The following PPFIA1 variants were observed in gnomAD, a reference collection of about 807,000 sequenced individuals.
PPFIA1 encodes liprin-alpha-1.
Under a neutral mutation model 149.9 loss-of-function variants are expected in PPFIA1, and 25 were observed. That is an observed-to-expected ratio of 0.17 (90% CI 0.12 to 0.23). PPFIA1 has a LOEUF of 0.23. Ranked by LOEUF, PPFIA1 falls within the 10% of genes least tolerant of loss-of-function variation. PPFIA1 has a pLI of 1.00. For missense variants in PPFIA1, 1,362 were observed against 1,506.5 expected, an observed-to-expected ratio of 0.90 and a Z score of 1.59; for synonymous variants, 549 against 552.8, an observed-to-expected ratio of 0.99 and a Z score of 0.10.
chr11:70,272,149 G>C, intron 1 of PPFIA1, 24 bp from the exon 2 acceptor site: 1 of 1,608,858 alleles, frequency 6.2e-7, no homozygotes, highest in Non-Finnish European at 8.5e-7. Context: ...CTTAATTACT[G>C]TAGCCTGGGT....
intron 21 of PPFIA1, among the ~76,000 whole-genome samples, chr11:70,368,054 C>T (rs962601423): frequency 6.6e-6 from 1 of 152,136 alleles, no homozygotes; most frequent in Non-Finnish European, 1.5e-5. Flanking sequence ...TGGAAAATCG[C>T]TTGAGCCCGG....
At position 70,307,614 on chromosome 11, in the gene PPFIA1, T is replaced by TA. The variant is rs912785902; in HGVS notation, c.265-16779dup. Among the ~76,000 whole-genome samples the TA allele has an allele frequency of 2.0e-4, 31 of 151,268 alleles. No homozygotes were observed. In the South Asian group the frequency reaches 4.0e-3, roughly 19 times the overall value. ...TAAGTACTTTTTCTAAAGGTGTGTGTAAAAAAAAAGAAAGAAAAAGGTCTG... is the reference window on the plus strand; with the variant it reads ...TAAGTACTTTTTCTAAAGGTGTGTGTAAAAAAAAAAGAAAGAAAAAGGTCTG... On this transcript the variant is annotated intron_variant, in intron 2 of 27. Transcript: ENST00000253925.
chr11:70,290,366 G>A (rs2051445114), intron 2 of PPFIA1, among the ~76,000 whole-genome samples: 3 of 152,228 alleles, frequency 2.0e-5, no homozygotes, highest in South Asian at 2.1e-4. Flanking sequence ...GGGTGAGGAC[G>A]TGTCTGGTTT....
intron 2 of PPFIA1, among the ~76,000 whole-genome samples, chr11:70,299,672 C>T (rs2052341881): frequency 6.6e-6 from 1 of 152,194 alleles, no homozygotes; most frequent in South Asian, 2.1e-4. Context: ...CCTTCCAAGT[C>T]AGCATTGCCC....
chr11:70,293,942 CT>C (rs35307008), intron 2 of PPFIA1, among the ~76,000 whole-genome samples: 1,568 of 128,084 alleles, frequency 0.012, 8 homozygotes, highest in African/African-American at 0.018. Context: ...CTCTCTCTCT[CT>C]TTTTTTTTTT....
intron 9 of PPFIA1, 23 bp from the exon 10 acceptor site, chr11:70,333,447 G>C (rs2054789508): frequency 1.3e-6 from 2 of 1,597,606 alleles, no homozygotes; most frequent in Non-Finnish European, 1.7e-6. Flanking sequence ...GATGACGTCA[G>C]CGTACGCTGT....
At chr11:70,331,127 C>T (rs2054629825) in intron 8 of PPFIA1, among the ~76,000 whole-genome samples, 1 of 151,692 alleles carries the variant, frequency 6.6e-6, no homozygotes, top group Admixed American at 6.6e-5. Flanking sequence ...AGCTGCTACT[C>T]AGGAGGCTGA....
intron 22 of PPFIA1, 24 bp downstream of exon 22, chr11:70,372,414 A>G (rs768770499): frequency 4.3e-6 from 7 of 1,613,566 alleles, no homozygotes; most frequent in Non-Finnish European, 5.9e-6. Flanking sequence ...GATAGTTCTT[A>G]ATAATTGGCT....
chr11:70,360,670 C>T (rs538842637), intron 19 of PPFIA1, among the ~76,000 whole-genome samples: 3 of 152,394 alleles, frequency 2.0e-5, no homozygotes, highest in African/African-American at 4.8e-5. Context: ...CCATGCAGCG[C>T]GCCCTTCCTC....
chr11:70,340,404 C>G lies in PPFIA1; in HGVS notation c.1707+1098C>G, dbSNP rs530624462. Among the ~76,000 whole-genome samples, 403 of 152,344 alleles carry G rather than the reference C, an allele frequency of 2.6e-3. 1 individual carries two copies. The highest frequency in any genetic ancestry group is 4.3e-3 in the Non-Finnish European group (291 of 68,038). On this transcript the variant is annotated intron_variant, in intron 14 of 27. Transcript: ENST00000253925. ...TATGGTGAGCTCTATGATTGCACCACTGCGCTCCAGCTTGGTCAACAGAGT... is the reference window on the plus strand; with the variant it reads ...TATGGTGAGCTCTATGATTGCACCAGTGCGCTCCAGCTTGGTCAACAGAGT...
intron 2 of PPFIA1, among the ~76,000 whole-genome samples, chr11:70,286,811 C>T (rs1433369948): frequency 7.1e-6 from 1 of 140,866 alleles, no homozygotes; most frequent in East Asian, 2.1e-4. Context: ...AGGTGGAGTG[C>T]AGTGGTGTGA....
intron 2 of PPFIA1, among the ~76,000 whole-genome samples, chr11:70,300,789 T>C (rs891397201): frequency 2.0e-5 from 3 of 152,182 alleles, no homozygotes; most frequent in African/African-American, 4.8e-5. Flanking sequence ...CGCCTTGGCC[T>C]CCCAAAGTGC....
intron 1 of PPFIA1, chr11:70,271,950 C>G (rs1366584932): frequency 1.8e-6 from 1 of 549,582 alleles, no homozygotes; most frequent in South Asian, 2.4e-5. Flanking sequence ...GATCTTGACC[C>G]CTTCCCTGGA....
chr11:70,288,708 G>T (rs1188372377), intron 2 of PPFIA1, among the ~76,000 whole-genome samples: 1 of 152,158 alleles, frequency 6.6e-6, no homozygotes, highest in African/African-American at 2.4e-5. Flanking sequence ...TTAGAGTCAG[G>T]CGTCGTCATT....
chr11:70,357,879 G>A (rs1224408963), intron 19 of PPFIA1, among the ~76,000 whole-genome samples: 1 of 152,110 alleles, frequency 6.6e-6, no homozygotes, highest in Non-Finnish European at 1.5e-5. Context: ...GAGCCACCGC[G>A]CCCAGCCAAG....
At chr11:70,344,135 G>A (rs2055530930) in intron 15 of PPFIA1, among the ~76,000 whole-genome samples, 1 of 152,218 alleles carries the variant, frequency 6.6e-6, no homozygotes, top group Non-Finnish European at 1.5e-5. Context: ...GACATTGTGG[G>A]ACCTGAGAGG....
At chr11:70,316,319 A>G (rs1591181921) in intron 2 of PPFIA1, among the ~76,000 whole-genome samples, 1 of 152,128 alleles carries the variant, frequency 6.6e-6, no homozygotes, top group Non-Finnish European at 1.5e-5. Flanking sequence ...TAATCTGCCT[A>G]CCTTGGCCTC....
rs374441977 is a variant in PPFIA1 at position 70,376,535 on chromosome 11, C to G, written c.3319C>G (p.Arg1107Gly). ...LQIPTQNTQA[R>G]AVLEREFNNL... ...TGTTTTTCTTTGGTTATTTCAGGCT[C>G]GTGCTGTCTTGGAAAGAGAATTTAA... The change falls in exon 25 of 28, where the codon CGT becomes GGT. Residue 1107 changes from arginine (R) to glycine (G), a missense_variant. This residue lies in a region of PPFIA1 where 349 missense variants were observed against 373.3 expected (regional missense o/e 0.93). Coordinates refer to ENST00000253925, the MANE Select transcript of PPFIA1 (RefSeq NM_003626.5). 1.9e-6 allele frequency: 3 copies of G among 1,612,434 alleles called. No individual in the cohort carries two copies. Among genetic ancestry groups the G allele is most frequent in the Non-Finnish European group, 2.5e-6 (3 of 1,178,450 alleles).
intron 2 of PPFIA1, among the ~76,000 whole-genome samples, 161 bp downstream of exon 2, chr11:70,272,597 A>C (rs1488170039): frequency 6.6e-6 from 1 of 152,206 alleles, no homozygotes; most frequent in Non-Finnish European, 1.5e-5. Flanking sequence ...CTAGGGATTA[A>C]ACTTCTTAGG....
Sources: allele counts gnomAD v4.1 joint callset (sites outside exome capture counted in the v4.1 genomes callset), GRCh38; gene constraint gnomAD v4.1.1; regional missense constraint gnomAD v4.1.1; transcripts MANE v1.5; gene names NCBI Gene and HGNC (gene_info 2026-07-23, HGNC 2026-07-21).